The following FNDC3A variants were observed in gnomAD, a reference collection of about 807,000 sequenced individuals.
The protein encoded by FNDC3A is fibronectin type-III domain-containing protein 3A.
Under a neutral mutation model 148.9 loss-of-function variants are expected in FNDC3A, and 32 were observed. That is an observed-to-expected ratio of 0.21 (90% CI 0.16 to 0.29). FNDC3A has a LOEUF of 0.29. Ranked by LOEUF, FNDC3A falls within the 10% of genes least tolerant of loss-of-function variation. The pLI, the probability that FNDC3A is intolerant of heterozygous loss-of-function variation, is 1.00. For missense variants in FNDC3A, 1,191 were observed against 1,452.8 expected (o/e 0.82, Z 2.93); for synonymous variants, 472 against 473.6 (o/e 1.00, Z 0.04).
intron 2 of FNDC3A, among the ~76,000 whole-genome samples, chr13:49,054,804 A>G (rs1019262541): frequency 6.6e-5 from 10 of 152,186 alleles, no homozygotes; most frequent in Non-Finnish European, 1.0e-4. Flanking sequence ...ATCAATGCTG[A>G]GCCCCTCGGA....
At chr13:49,078,906 A>C (rs1191941281) in intron 3 of FNDC3A, among the ~76,000 whole-genome samples, 1 of 152,202 alleles carries the variant, frequency 6.6e-6, no homozygotes, top group African/African-American at 2.4e-5. Context: ...CAAGTTAGGA[A>C]AGCTGTTCTC....
intron 7 of FNDC3A, among the ~76,000 whole-genome samples, chr13:49,141,171 T>C (rs1410993713): frequency 6.6e-6 from 1 of 152,210 alleles, no homozygotes; most frequent in Non-Finnish European, 1.5e-5. Flanking sequence ...TTTGTGAATG[T>C]TTCTTCTTTC....
At chr13:49,098,599 C>A (rs1879674915) in intron 3 of FNDC3A, among the ~76,000 whole-genome samples, 1 of 152,130 alleles carries the variant, frequency 6.6e-6, no homozygotes, top group Admixed American at 6.6e-5. Flanking sequence ...TTGGTAAACA[C>A]ATCTCCTTCA....
chr13:49,187,024 T>C, intron 15 of FNDC3A, 98 bp from the exon 16 acceptor site: 1 of 772,572 alleles, frequency 1.3e-6, no homozygotes, highest in Non-Finnish European at 2.1e-6. Flanking sequence ...GTGATTTTTT[T>C]TTTTTAAACC....
chr13:49,192,845 A>G (rs1351571821), intron 19 of FNDC3A, among the ~76,000 whole-genome samples: 3 of 152,216 alleles, frequency 2.0e-5, no homozygotes, highest in African/African-American at 7.2e-5. Context: ...AGATTTTAAG[A>G]TAAAATTTAT....
intron 3 of FNDC3A, among the ~76,000 whole-genome samples, chr13:49,087,864 C>T (rs1878915968): frequency 6.6e-6 from 1 of 151,908 alleles, no homozygotes. Context: ...TTTATGCAGT[C>T]GGTTATTTTT....
intron 4 of FNDC3A, among the ~76,000 whole-genome samples, chr13:49,122,556 T>C (rs1004887750): frequency 1.3e-5 from 2 of 152,158 alleles, no homozygotes; most frequent in Non-Finnish European, 2.9e-5. Flanking sequence ...GGAAGTCAAA[T>C]TGTCTCTCTT....
intron 1 of FNDC3A, among the ~76,000 whole-genome samples, chr13:48,988,506 T>C (rs1166816759): frequency 6.6e-6 from 1 of 152,136 alleles, no homozygotes; most frequent in Non-Finnish European, 1.5e-5. Context: ...AAATTGCATA[T>C]GAGAATGATA....
intron 8 of FNDC3A, among the ~76,000 whole-genome samples, chr13:49,155,257 G>A (rs1189224652): frequency 6.6e-6 from 1 of 152,128 alleles, no homozygotes; most frequent in Non-Finnish European, 1.5e-5. Context: ...GAGATTGTAT[G>A]TGTCGAGGAA....
At chr13:48,988,375 C>T (rs2137560287) in intron 1 of FNDC3A, among the ~76,000 whole-genome samples, 1 of 152,282 alleles carries the variant, frequency 6.6e-6, no homozygotes, top group Middle Eastern at 3.4e-3. Context: ...ATGTCAACAT[C>T]CAAGCCAAAT....
At chr13:49,037,312 A>C (rs1874566855) in intron 2 of FNDC3A, among the ~76,000 whole-genome samples, 1 of 152,198 alleles carries the variant, frequency 6.6e-6, no homozygotes, top group African/African-American at 2.4e-5. Flanking sequence ...ATGAATGCTG[A>C]AGTAATTTGA....
At chr13:49,159,829 G>A (rs1216004960) in intron 8 of FNDC3A, among the ~76,000 whole-genome samples, 4 of 152,140 alleles carry the variant, frequency 2.6e-5, no homozygotes, top group Non-Finnish European at 5.9e-5. Flanking sequence ...AGCATGAAGG[G>A]CTGTTGAATT....
intron 15 of FNDC3A, 27 bp from the exon 16 acceptor site, chr13:49,187,095 C>A: frequency 6.4e-7 from 1 of 1,553,778 alleles, no homozygotes; most frequent in Non-Finnish European, 8.8e-7. Context: ...TGTACCTTGC[C>A]TAATACTACT....
Position 49,095,088 on chromosome 13 carries a change from T to C in FNDC3A, c.176-19567T>C, listed in dbSNP as rs540822024. 9.7e-4 allele frequency among the ~76,000 whole-genome samples: 148 copies of C among 152,090 alleles called. 2 individuals are homozygous for C. The highest frequency in any genetic ancestry group is 3.3e-3 in the African/African-American group (139 of 41,536). Reference sequence around the variant, plus strand: ...TGAATTTCATAAATAATTATACAAGTGAAGTTTTAACCCCTTTTAAATTGT... The same window carrying C: ...TGAATTTCATAAATAATTATACAAGCGAAGTTTTAACCCCTTTTAAATTGT... On this transcript the variant is annotated intron_variant, in intron 3 of 25. Coordinates refer to ENST00000492622, the MANE Select transcript of FNDC3A (RefSeq NM_001079673.2).
In FNDC3A at chr13:49,079,729, C is replaced by T. The variant is rs147912176; in HGVS notation, c.175+4365C>T. 3.8e-3 allele frequency among the ~76,000 whole-genome samples: 579 copies of T among 152,226 alleles called. 4 individuals are homozygous for T. The highest frequency in any genetic ancestry group is 0.013 in the African/African-American group (546 of 41,486). On this transcript the variant is annotated intron_variant, in intron 3 of 25. Coordinates refer to ENST00000492622, the MANE Select transcript of FNDC3A (RefSeq NM_001079673.2). The stretch of plus-strand genomic sequence containing the variant: ...TTCAAATACACTCCTGAGCTTCTCT[C>T]TCTTCCCTTCACCCTATAAAAAGGA...
chr13:49,015,246 C>G (rs1442996664), intron 2 of FNDC3A, among the ~76,000 whole-genome samples: 1 of 152,184 alleles, frequency 6.6e-6, no homozygotes, highest in African/African-American at 2.4e-5. Context: ...GAATGTTCTT[C>G]CATTTGTTTG....
At chr13:48,998,079 T>G (rs1381757177) in intron 1 of FNDC3A, among the ~76,000 whole-genome samples, 1 of 152,106 alleles carries the variant, frequency 6.6e-6, no homozygotes, top group East Asian at 1.9e-4. Flanking sequence ...TGATGAGGTC[T>G]CAGATGGAAA....
chr13:49,043,106 C>T (rs897220223), intron 2 of FNDC3A, among the ~76,000 whole-genome samples: 15 of 151,290 alleles, frequency 9.9e-5, no homozygotes, highest in Non-Finnish European at 1.8e-4. Flanking sequence ...TAAATGTGTG[C>T]CACCACACCC....
intron 3 of FNDC3A, among the ~76,000 whole-genome samples, chr13:49,076,202 T>A (rs879905158): frequency 6.6e-6 from 1 of 152,104 alleles, no homozygotes; most frequent in Non-Finnish European, 1.5e-5. Context: ...GCTCCTCTGC[T>A]GTTTACTAGC....
Sources: gnomAD v4.1 joint callset for allele counts (sites outside exome capture counted in the v4.1 genomes callset) on GRCh38, gnomAD v4.1.1 for gene constraint, MANE v1.5 for transcripts, NCBI Gene and HGNC (gene_info 2026-07-23, HGNC 2026-07-21) for gene names.